Variants in DNMT3A observed in about 807,000 individuals in gnomAD.
DNMT3A encodes the protein DNA methyltransferase 3 alpha, also known as DNA (cytosine-5)-methyltransferase 3A.
A neutral mutation model predicts 117.6 loss-of-function variants in DNMT3A; 267 were observed. That is an observed-to-expected ratio of 2.27 (90% CI 2.05 to 2.51). DNMT3A has a LOEUF of 2.51. Ranked by LOEUF, DNMT3A falls within the 30% of genes most tolerant of loss-of-function variation. The pLI, the probability that DNMT3A is intolerant of heterozygous loss-of-function variation, is 0.00. For missense variants in DNMT3A, 1,029 were observed against 1,260.2 expected (o/e 0.82, Z 2.78); for synonymous variants, 432 against 474.8 (o/e 0.91, Z 1.17).
At chr2:25,300,993 G>A (rs2033481005) in intron 2 of DNMT3A, among the ~76,000 whole-genome samples, 1 of 151,304 alleles carries the variant, frequency 6.6e-6, no homozygotes, top group Non-Finnish European at 1.5e-5. Context: ...TAAAATCGCT[G>A]GGCATGGTGG....
At position 25,233,438 on chromosome 2, in the gene DNMT3A, G is replaced by GTAGT. The variant is rs1672988061; in HGVS notation, c.*837_*840dup. On this transcript the variant is annotated 3_prime_UTR_variant, in exon 23 of 23. Coordinates refer to ENST00000321117, the MANE Select transcript of DNMT3A (RefSeq NM_022552.5). ...CACCATTATGAAGTCGGGTTGTACA[G>GTAGT]TAGTTAACAGTACCTTTTATATATA... 4.3e-6 allele frequency: 1 copy of GTAGT among 233,648 alleles called. No individual in the cohort carries two copies. Among genetic ancestry groups the GTAGT allele is most frequent in the Non-Finnish European group, 8.5e-6 (1 of 117,992 alleles). The allele number at this position is 233,648 out of a possible 1,614,324, so 14.5% of individuals were successfully genotyped here. A position where few individuals can be genotyped will look rare whatever the true frequency, so the allele number is the denominator to read the frequency against.
At position 25,234,396 on chromosome 2, in the gene DNMT3A, A is replaced by G. The variant is rs770134132; in HGVS notation, c.2622T>C (p.Tyr874=). The change falls in exon 23 of 23, where the codon TAT becomes TAC. Residue 874 remains tyrosine, a synonymous_variant. Coordinates refer to ENST00000321117, the MANE Select transcript of DNMT3A (RefSeq NM_022552.5). This position sits in a 1 kb window ranked among gnomAD's most constrained non-coding sequence, Gnocchi z 4.5. ...MERVFGFPVH[Y]TDVSNMSRLA... is the part of the protein sequence containing the mutation. Reference sequence around the variant, plus strand: ...AGCGGCTCATGTTGGAGACGTCAGTATAGTGGACTGGGAAACCAAATACCC... The same window carrying G: ...AGCGGCTCATGTTGGAGACGTCAGTGTAGTGGACTGGGAAACCAAATACCC... The G allele has an allele frequency of 1.9e-6, 3 of 1,613,758 alleles. No individual in the cohort carries two copies. Among genetic ancestry groups the G allele is most frequent in the East Asian group, 2.2e-5 (1 of 44,886 alleles).
intron 3 of DNMT3A, among the ~76,000 whole-genome samples, chr2:25,291,500 G>A (rs985054209): frequency 3.3e-5 from 5 of 152,360 alleles, no homozygotes; most frequent in South Asian, 4.1e-4. Context: ...AAGCTCCAAC[G>A]CTATGGAGCT....
intron 3 of DNMT3A, among the ~76,000 whole-genome samples, chr2:25,284,645 T>TTAAA (rs1287436463): frequency 6.0e-4 from 10 of 16,648 alleles, no homozygotes; most frequent in African/African-American, 3.7e-3. Flanking sequence ...AGACTCCATC[T>TTAAA]AAAAAAAAAA....
chr2:25,264,669 A>G (rs959508805), intron 6 of DNMT3A, among the ~76,000 whole-genome samples: 5 of 151,128 alleles, frequency 3.3e-5, no homozygotes, highest in Admixed American at 3.3e-4. Flanking sequence ...TCACCATGTT[A>G]GCCAGGATGG....
intron 5 of DNMT3A, 113 bp from the exon 6 acceptor site, chr2:25,275,200 C>T: frequency 7.2e-7 from 1 of 1,396,856 alleles, no homozygotes; most frequent in East Asian, 2.6e-5. Context: ...AGAGGGCACC[C>T]CTGGGAGTGC....
intron 1 of DNMT3A, among the ~76,000 whole-genome samples, chr2:25,332,855 C>T (rs1397904019): frequency 6.6e-6 from 1 of 152,210 alleles, no homozygotes; most frequent in Non-Finnish European, 1.5e-5. Context: ...ATTAGGAGCC[C>T]TTGCTGCGTG....
rs1385163541 is a variant in DNMT3A, at chr2:25,311,151, G to A, written c.72+2762C>T. On this transcript the variant is annotated intron_variant, in intron 2 of 22. Transcript: ENST00000321117. The surrounding 1 kb of genome is among the most constrained non-coding windows in gnomAD (Gnocchi z 5.2). ...GGCGGGGGCGGGGAGGGGGGGCGGC[G>A]GTGGGCAGAGGCTAGAGGGCCACAT... Among the ~76,000 whole-genome samples, 9 of 150,274 alleles carry A rather than the reference G, an allele frequency of 6.0e-5. 1 individual carries two copies. The East Asian group carries it at 1.6e-3, about 26-fold the overall frequency.
At chr2:25,262,428 A>T (rs1676697071) in intron 6 of DNMT3A, among the ~76,000 whole-genome samples, 1 of 152,198 alleles carries the variant, frequency 6.6e-6, no homozygotes, top group Middle Eastern at 3.2e-3. Flanking sequence ...TAAGAAAATG[A>T]AAAGTTCACT....
chr2:25,284,677 A>AAAAAACC (rs2032160605), intron 3 of DNMT3A, among the ~76,000 whole-genome samples: 1 of 108,460 alleles, frequency 9.2e-6, no homozygotes, highest in African/African-American at 3.5e-5. Context: ...AAAAAAAAAG[A>AAAAAACC]CTATACAAAA....
intron 1 of DNMT3A, among the ~76,000 whole-genome samples, chr2:25,320,859 C>T (rs544458237): frequency 2.0e-5 from 3 of 152,076 alleles, no homozygotes; most frequent in South Asian, 2.1e-4. Context: ...CGGCCGGGCG[C>T]GGTGGCTCAC....
At position 25,281,761 on chromosome 2, in the gene DNMT3A, A is replaced by C. The variant is rs1010379103; in HGVS notation, c.448+680T>G. 5 of 1,065,880 alleles carry C rather than the reference A, an allele frequency of 4.7e-6. No individual in the cohort carries two copies. The African/African-American group carries it at 8.2e-5, about 17-fold the overall frequency. The allele number at this position is 1,065,880 out of a possible 1,614,324, so 66.0% of individuals were successfully genotyped here. Reference sequence around the variant, plus strand: ...AATTGCTGGCTTAACCTGAAAGAGAAAAGTGGGCAACTTTCCAGGCTTCCA... The same window carrying C: ...AATTGCTGGCTTAACCTGAAAGAGACAAGTGGGCAACTTTCCAGGCTTCCA... On this transcript the variant is annotated intron_variant, in intron 4 of 22. Transcript: ENST00000321117. This position sits in a 1 kb window ranked among gnomAD's most constrained non-coding sequence, Gnocchi z 4.8.
chr2:25,341,245 G>A (rs1224539025), intron 1 of DNMT3A, among the ~76,000 whole-genome samples: 4 of 144,636 alleles, frequency 2.8e-5, no homozygotes, highest in Non-Finnish European at 4.6e-5. Flanking sequence ...GGTCGTGCCA[G>A]GCTGCCATTT....
rs925850802 is a variant in DNMT3A at position 25,231,502 on chromosome 2, G to C, written c.*2777C>G. On this transcript the variant is annotated 3_prime_UTR_variant, in exon 23 of 23. Coordinates refer to ENST00000321117, the MANE Select transcript of DNMT3A (RefSeq NM_022552.5). ...CTGTGTGAATTTACTCCTGAGTAATGAGCAGGGGGTCCAAAGCCTTGGTTT... is the reference window on the plus strand; with the variant it reads ...CTGTGTGAATTTACTCCTGAGTAATCAGCAGGGGGTCCAAAGCCTTGGTTT... 6.6e-6 allele frequency: 1 copy of C among 152,264 alleles called. No homozygotes were observed. Among genetic ancestry groups the C allele is most frequent in the Non-Finnish European group, 1.5e-5 (1 of 68,050 alleles). 9.4% of individuals were successfully genotyped at this position (152,264 alleles called of 1,614,324 possible).
At chr2:25,332,583 A>G (rs2035055203) in intron 1 of DNMT3A, among the ~76,000 whole-genome samples, 1 of 152,232 alleles carries the variant, frequency 6.6e-6, no homozygotes, top group Non-Finnish European at 1.5e-5. Context: ...GACCTCTGGA[A>G]AGAAAACTCA....
chr2:25,340,799 C>G lies in DNMT3A; in HGVS notation c.-178+1027G>C, dbSNP rs566846710. ...GGAGGGGCGACCCCGGGCGTACCCC[C>G]CCTGCGCCGCTCCCGGTCCCGGCCC... On this transcript the variant is annotated intron_variant, in intron 1 of 22. Coordinates refer to ENST00000321117, the MANE Select transcript of DNMT3A (RefSeq NM_022552.5). Among the ~76,000 whole-genome samples, 549 of 150,702 alleles carry G rather than the reference C, an allele frequency of 3.6e-3. 4 individuals are homozygous for G. Among genetic ancestry groups the G allele is most frequent in the African/African-American group, 0.012 (505 of 41,212 alleles).
chr2:25,279,363 A>G (rs958953089), intron 4 of DNMT3A, among the ~76,000 whole-genome samples: 8 of 152,196 alleles, frequency 5.3e-5, no homozygotes, highest in Non-Finnish European at 1.0e-4. Context: ...AATAAGGGGA[A>G]CTGAAAGGAG....
Position 25,252,388 on chromosome 2 carries a change from G to T in DNMT3A, c.640-4136C>A. 3.4e-6 allele frequency: 2 copies of T among 592,270 alleles called. No individual in the cohort carries two copies. Among genetic ancestry groups the T allele is most frequent in the South Asian group, 3.1e-5 (1 of 32,508 alleles). The allele number at this position is 592,270 out of a possible 1,614,324, so 36.7% of individuals were successfully genotyped here. A position where few individuals can be genotyped will look rare whatever the true frequency, so the allele number is the denominator to read the frequency against. On this transcript the variant is annotated intron_variant, in intron 6 of 22. Coordinates refer to ENST00000321117, the MANE Select transcript of DNMT3A (RefSeq NM_022552.5). The surrounding 1 kb of genome is among the most constrained non-coding windows in gnomAD (Gnocchi z 5.5). ...TTCTTTGTCTAGGACTCCAGGTCAC[G>T]TGGGCCCCGCTGGAGGGCCTGGTTG...
At chr2:25,264,124 A>G (rs1332886188) in intron 6 of DNMT3A, among the ~76,000 whole-genome samples, 4 of 92,298 alleles carry the variant, frequency 4.3e-5, no homozygotes, top group East Asian at 3.8e-4. Context: ...AGGCTGGACA[A>G]CCCTTTGGTT....
Sources: allele counts gnomAD v4.1 joint callset (sites outside exome capture counted in the v4.1 genomes callset), GRCh38; gene constraint gnomAD v4.1.1; non-coding constraint Gnocchi (gnomAD v3.1); transcripts MANE v1.5; gene names NCBI Gene and HGNC (gene_info 2026-07-23, HGNC 2026-07-21).